The following NBPF3 variants were observed in gnomAD, a reference collection of about 807,000 sequenced individuals.
The protein encoded by NBPF3 is NBPF family member NBPF3.
Under a neutral mutation model 78.1 loss-of-function variants are expected in NBPF3, and 57 were observed. The observed-to-expected ratio is 0.73, with a 90% confidence interval of 0.59 to 0.91. NBPF3 has a LOEUF of 0.91. Among genes scored for constraint, NBPF3 ranks in the 40% least tolerant of loss-of-function variants. NBPF3 has a pLI of 0.00. For synonymous variants in NBPF3, 182 were observed against 271.7 expected (o/e 0.67, Z 3.25); for missense variants, 510 against 715.3 (o/e 0.71, Z 3.27).
intron 2 of NBPF3, chr1:21,453,297 A>C (rs3896850): frequency 6.6e-6 from 1 of 151,632 alleles, no homozygotes; most frequent in East Asian, 1.9e-4. Context: ...GCATCTGTCT[A>C]TTACTTCAGT....
intron 12 of NBPF3, among the ~76,000 whole-genome samples, chr1:21,481,265 C>T (rs575035922): frequency 6.6e-6 from 1 of 151,340 alleles, no homozygotes; most frequent in Admixed American, 6.6e-5. Flanking sequence ...AATTATTGAG[C>T]ACAGTCTTTT....
chr1:21,454,860 C>T (rs1284037480), intron 2 of NBPF3, among the ~76,000 whole-genome samples: 6 of 152,166 alleles, frequency 3.9e-5, no homozygotes. Context: ...TTGCAGTGTC[C>T]ACAGATCAGA....
chr1:21,442,594 AAATCAATGCCTAACCT>A (rs1270301356), intron 1 of NBPF3, among the ~76,000 whole-genome samples: 9 of 152,182 alleles, frequency 5.9e-5, no homozygotes, highest in Non-Finnish European at 1.3e-4. Context: ...CATCTTTAAG[AAATCAATGCCTAACCT>A]AAGAGTATGA....
At position 21,479,580 on chromosome 1, in the gene NBPF3, T is replaced by A. The variant is rs547125418; in HGVS notation, c.1208+180T>A. 5.9e-5 allele frequency among the ~76,000 whole-genome samples: 9 copies of A among 152,314 alleles called. No homozygotes were observed. The South Asian group carries it at 1.5e-3, about 25-fold the overall frequency. On this transcript the variant is annotated intron_variant, in intron 10 of 14. Transcript: ENST00000318249. ...ATGTTTAGGTTTCCATTTCTTCCTA[T>A]CCTTCTCATTTACTAACCTAGTGAA...
chr1:21,447,138 A>G (rs28658117), intron 2 of NBPF3, among the ~76,000 whole-genome samples: 11,267 of 152,272 alleles, frequency 0.074, 1,116 homozygotes, highest in African/African-American at 0.23. Context: ...GGTTTGTGGA[A>G]AACTTGAGTG....
intron 2 of NBPF3, chr1:21,446,358 C>G (rs1269488792): frequency 1.3e-5 from 2 of 152,170 alleles, no homozygotes; most frequent in Admixed American, 1.3e-4. Context: ...GCATCTTTCT[C>G]TAATAACTGG....
intron 2 of NBPF3, among the ~76,000 whole-genome samples, chr1:21,461,083 A>G (rs1641922798): frequency 6.6e-6 from 1 of 152,202 alleles, no homozygotes; most frequent in Admixed American, 6.5e-5. Flanking sequence ...GAAAATATTA[A>G]GTGTGTGGGA....
intron 2 of NBPF3, among the ~76,000 whole-genome samples, chr1:21,450,807 C>T (rs1189286463): frequency 2.0e-5 from 3 of 152,174 alleles, no homozygotes; most frequent in East Asian, 1.9e-4. Flanking sequence ...CCCTTACCTC[C>T]GTCGACCTGT....
At chr1:21,467,729 A>G (rs1158108992) in intron 2 of NBPF3, among the ~76,000 whole-genome samples, 1 of 152,228 alleles carries the variant, frequency 6.6e-6, no homozygotes, top group Non-Finnish European at 1.5e-5. Context: ...ATCTCTATAT[A>G]AATGATTTTG....
chr1:21,477,180 A>G (rs1304969184), intron 8 of NBPF3, among the ~76,000 whole-genome samples: 1 of 152,106 alleles, frequency 6.6e-6, no homozygotes, highest in Admixed American at 6.6e-5. Context: ...CATTCGTCCA[A>G]TCTTTGTTCA....
chr1:21,483,426 A>C lies in NBPF3; in HGVS notation c.*40A>C. 1 of 623,150 alleles carries C rather than the reference A, an allele frequency of 1.6e-6. No individual in the cohort carries two copies. The highest frequency in any genetic ancestry group is 2.6e-6 in the Non-Finnish European group (1 of 388,850). 38.6% of individuals were successfully genotyped at this position (623,150 alleles called of 1,614,324 possible). On this transcript the variant is annotated 3_prime_UTR_variant, in exon 15 of 15. Transcript: ENST00000318249. ...GCTGAGAGATGTCATTGCTGCAGGC[A>C]GGACGTATAGGCACATGTAGGTTTG...
intron 2 of NBPF3, among the ~76,000 whole-genome samples, chr1:21,465,004 C>CAAA (rs10531760): frequency 8.1e-5 from 8 of 99,242 alleles, no homozygotes; most frequent in African/African-American, 2.1e-4. Flanking sequence ...GACCCTGTCT[C>CAAA]AAAAAAAAAA....
Position 21,441,319 on chromosome 1 carries a change from A to G in NBPF3, c.-140+971A>G, listed in dbSNP as rs116453507. On this transcript the variant is annotated intron_variant, in intron 1 of 14. Coordinates refer to ENST00000318249, the MANE Select transcript of NBPF3 (RefSeq NM_032264.6). ...AGTGAACCAGAAGCTATTTTTTTCT[A>G]TTCTGAAATGCTGGCTTTAAGATTT... Among the ~76,000 whole-genome samples the G allele has an allele frequency of 2.2e-3, 338 of 152,176 alleles. 2 individuals are homozygous for G. The highest frequency in any genetic ancestry group is 7.9e-3 in the African/African-American group (330 of 41,522).
Position 21,468,800 on chromosome 1 carries a change from C to T in NBPF3, c.246C>T (p.Pro82=), listed in dbSNP as rs1351658037. The T allele has an allele frequency of 1.2e-6, 2 of 1,613,994 alleles. No homozygotes were observed. The highest frequency in any genetic ancestry group is 1.7e-6 in the Non-Finnish European group (2 of 1,180,014). ...TAGAAATCAACAAGAAATCGCGCCC[C>T]CAGCTGGCAGAGAACAAACAGCAGT... ...NILEINKKSR[P]QLAENKQQFR... is the part of the protein sequence containing the mutation. Residue 82 remains proline (P), a synonymous_variant, in exon 3 of 15, where the codon CCC becomes CCT. Coordinates refer to ENST00000318249, the MANE Select transcript of NBPF3 (RefSeq NM_032264.6).
chr1:21,463,581 C>G (rs148219100), intron 2 of NBPF3, among the ~76,000 whole-genome samples: 1,954 of 152,182 alleles, frequency 0.013, 46 homozygotes, highest in African/African-American at 0.045. Context: ...TTTAAGTAGG[C>G]ACAAACAACC....
chr1:21,457,167 C>CGTGTGTGTGTGT (rs56310866), intron 2 of NBPF3, among the ~76,000 whole-genome samples: 233 of 149,786 alleles, frequency 1.6e-3, no homozygotes, highest in Non-Finnish European at 2.4e-3. Flanking sequence ...TGGTGGCTCA[C>CGTGTGTGTGTGT]GTGTGTGTGT....
At chr1:21,470,826 G>C in intron 4 of NBPF3, 92 bp downstream of exon 4, 1 of 765,544 alleles carries the variant, frequency 1.3e-6, no homozygotes, top group Non-Finnish European at 2.2e-6. Context: ...GCTGAACTGG[G>C]CCAGGGGAAG....
intron 2 of NBPF3, chr1:21,466,216 C>T: frequency 2.0e-6 from 1 of 495,790 alleles, no homozygotes; most frequent in Non-Finnish European, 2.6e-6. Flanking sequence ...TGACAAGAGA[C>T]AGACAAAGAT....
intron 4 of NBPF3, 24 bp from the exon 5 acceptor site, chr1:21,471,545 A>G (rs768034733): frequency 3.4e-5 from 54 of 1,611,508 alleles, no homozygotes; most frequent in Non-Finnish European, 4.2e-5. Flanking sequence ...CCACTGTTAA[A>G]TTTTCTCTAC....
Sources: allele counts gnomAD v4.1 joint callset (sites outside exome capture counted in the v4.1 genomes callset), GRCh38; gene constraint gnomAD v4.1.1; transcripts MANE v1.5; gene names NCBI Gene and HGNC (gene_info 2026-07-23, HGNC 2026-07-21).